Variants in PCDHB7 observed in about 807,000 individuals in gnomAD.
PCDHB7 encodes the protein protocadherin beta 7.
For synonymous variants in PCDHB7, 542 were observed against 463.1 expected (o/e 1.17, Z -2.19); for missense variants, 1,148 against 1,011.6 (o/e 1.13, Z -1.83).
Position 141,173,916 on chromosome 5 carries a change from C to A in PCDHB7, c.1081C>A (p.Pro361Thr). ...SLTSPIAENS[P>T]ETVVAVFRIR... The stretch of plus-strand genomic sequence containing the variant: ...TACTAGCCCAATTGCAGAAAACTCA[C>A]CCGAGACAGTCGTGGCTGTTTTTAG... The change falls in exon 1 of 1, where the codon CCC (proline) becomes ACC (threonine). Residue 361 changes from proline (P) to threonine (T), a missense_variant. By Grantham distance (38) the Pro-to-Thr change is conservative. Transcript: ENST00000231137. The A allele has an allele frequency of 6.2e-7, 1 of 1,612,628 alleles. No homozygotes were observed. Among genetic ancestry groups the A allele is most frequent in the Non-Finnish European group, 8.5e-7 (1 of 1,178,864 alleles).
chr5:141,173,460 AGTTTAAC>A lies in PCDHB7; in HGVS notation c.626_632del (p.Ser209ThrfsTer5), dbSNP rs1408859047. On this transcript the variant is annotated frameshift_variant, in exon 1 of 1. Coordinates refer to ENST00000231137, the MANE Select transcript of PCDHB7 (RefSeq NM_018940.4). LOFTEE classifies it low-confidence loss of function (END_TRUNC). ...GGATCGGGAAGAGATACCAGAGTTC[AGTTTAAC>A]CCTCACCGCTTTAGACGGCGGCTCT... The A allele has an allele frequency of 3.7e-6, 6 of 1,614,100 alleles. No homozygotes were observed. The highest frequency in any genetic ancestry group is 5.1e-6 in the Non-Finnish European group (6 of 1,180,046).
At position 141,173,405 on chromosome 5, in the gene PCDHB7, C is replaced by T. The variant is rs1753264630; in HGVS notation, c.570C>T (p.Ile190=). ...TCCATGATAGCGGGGAGGGGAATAT[C>T]TATCCCGAATTGGTGCTGAATCAAG... The part of the protein sequence containing the change: ...INVHDSGEGN[I]YPELVLNQVL... Residue 190 remains isoleucine (I), a synonymous_variant, in exon 1 of 1, where the codon ATC becomes ATT. Coordinates refer to ENST00000231137, the MANE Select transcript of PCDHB7 (RefSeq NM_018940.4). The T allele has an allele frequency of 6.2e-7, 1 of 1,614,042 alleles. No individual in the cohort carries two copies.
Position 141,173,283 on chromosome 5 carries a change from G to A in PCDHB7, c.448G>A (p.Ala150Thr). The change falls in exon 1 of 1, where the codon GCG becomes ACG. Residue 150 changes from alanine (A) to threonine (T), a missense_variant. By Grantham distance (58) the Ala-to-Thr change is moderately conservative (BLOSUM62 0). Transcript: ENST00000231137. ...LKILESTTPG[A>T]AFLLESAQDS... is the part of the protein sequence containing the mutation. ...AATATTAGAAAGTACCACTCCAGGG[G>A]CGGCATTTCTCCTAGAGAGTGCACA... 6.2e-7 allele frequency: 1 copy of A among 1,614,126 alleles called. No homozygotes were observed. Among genetic ancestry groups the A allele is most frequent in the Non-Finnish European group, 8.5e-7 (1 of 1,180,010 alleles).
Position 141,175,118 on chromosome 5 carries a change from G to C in PCDHB7, c.2283G>C (p.Glu761Asp), listed in dbSNP as rs557284400. ...TGACTGGAGGCTCCGGGACAAATGA[G>C]TTCAAGTTTCTGAAACCAATTATCC... ...VCLTGGSGTNEFKFLKPIIPN... is the reference protein window; with the variant it reads ...VCLTGGSGTNDFKFLKPIIPN... Residue 761 changes from glutamate to aspartate, a missense_variant, in exon 1 of 1, where the codon GAG becomes GAC. Coordinates refer to ENST00000231137, the MANE Select transcript of PCDHB7 (RefSeq NM_018940.4). The C allele has an allele frequency of 6.2e-7, 1 of 1,614,248 alleles. No homozygotes were observed. Among genetic ancestry groups the C allele is most frequent in the Non-Finnish European group, 8.5e-7 (1 of 1,180,056 alleles).
At position 141,173,514 on chromosome 5, in the gene PCDHB7, C is replaced by G; in HGVS notation, c.679C>G (p.Leu227Val). Reference protein sequence around the residue: ...GGSPPRSGTALVRILVLDVND... With the variant: ...GGSPPRSGTAVVRILVLDVND... ...CTCTCCTCCAAGATCAGGGACCGCC[C>G]TCGTGCGCATTCTGGTTCTAGACGT... The change falls in exon 1 of 1, where the codon CTC (leucine) becomes GTC (valine). Residue 227 changes from leucine (L) to valine (V), a missense_variant. Transcript: ENST00000231137. 6.2e-7 allele frequency: 1 copy of G among 1,613,964 alleles called. No individual in the cohort carries two copies. Among genetic ancestry groups the G allele is most frequent in the African/African-American group, 1.3e-5 (1 of 75,026 alleles).
chr5:141,174,734 C>A lies in PCDHB7; in HGVS notation c.1899C>A (p.Arg633=), dbSNP rs782658040. Reference sequence around the variant, plus strand: ...GTACCGCCAGGCTGCTGAGCGAGCGCGACGCAGCCAAGCAGAGGCTGGTGG... The same window carrying A: ...GTACCGCCAGGCTGCTGAGCGAGCGAGACGCAGCCAAGCAGAGGCTGGTGG... ...EVRTARLLSE[R]DAAKQRLVVL... The change falls in exon 1 of 1, where the codon CGC becomes CGA. Residue 633 remains arginine, a synonymous_variant. Coordinates refer to ENST00000231137, the MANE Select transcript of PCDHB7 (RefSeq NM_018940.4). The A allele has an allele frequency of 2.2e-5, 36 of 1,611,076 alleles. No homozygotes were observed. The highest frequency in any genetic ancestry group is 2.1e-4 in the Middle Eastern group (1 of 4,686).
chr5:141,172,903 T>A lies in PCDHB7; in HGVS notation c.68T>A (p.Met23Lys). ...QVLFLCVFLG[M>K]SWAGAEPLRY... ...TTATTTCTTTGTGTATTTCTGGGAA[T>A]GTCTTGGGCTGGCGCCGAACCGCTT... Residue 23 changes from methionine (M) to lysine (K), a missense_variant, in exon 1 of 1, where the codon ATG (methionine) becomes AAG (lysine). Physicochemically the swap from Met to Lys is moderately conservative, Grantham distance 95 (BLOSUM62 -1). Transcript: ENST00000231137. The A allele has an allele frequency of 1.2e-6, 2 of 1,614,194 alleles. No homozygotes were observed. Among genetic ancestry groups the A allele is most frequent in the Non-Finnish European group, 1.7e-6 (2 of 1,180,032 alleles).
In PCDHB7 at chr5:141,174,648, C is replaced by A; in HGVS notation, c.1813C>A (p.Gln605Lys). 1 of 1,610,394 alleles carries A rather than the reference C, an allele frequency of 6.2e-7. No homozygotes were observed. Among genetic ancestry groups the A allele is most frequent in the South Asian group, 1.1e-5 (1 of 90,980 alleles). ...GGGCCAGAACGCCTGGCTGTCGTACCAGCTGCTCAAGGCCACGGAGCCCGG... is the reference window on the plus strand; with the variant it reads ...GGGCCAGAACGCCTGGCTGTCGTACAAGCTGCTCAAGGCCACGGAGCCCGG... Reference protein sequence around the residue: ...DSGQNAWLSYQLLKATEPGLF... With the variant: ...DSGQNAWLSYKLLKATEPGLF... Residue 605 changes from glutamine (Q) to lysine (K), a missense_variant, in exon 1 of 1, where the codon CAG becomes AAG. Coordinates refer to ENST00000231137, the MANE Select transcript of PCDHB7 (RefSeq NM_018940.4).
chr5:141,175,301 A>C lies in PCDHB7; in HGVS notation c.*84A>C. ...GAGGTTCCCTTAAGGGAGTGTCTTT[A>C]CATCATTTCAAATATGTACTCTTGA... is the stretch of plus-strand genomic sequence containing the variant. On this transcript the variant is annotated 3_prime_UTR_variant, in exon 1 of 1. Coordinates refer to ENST00000231137, the MANE Select transcript of PCDHB7 (RefSeq NM_018940.4). 1 of 1,315,768 alleles carries C rather than the reference A, an allele frequency of 7.6e-7. No homozygotes were observed. Among genetic ancestry groups the C allele is most frequent in the Non-Finnish European group, 1.0e-6 (1 of 962,544 alleles). The allele number at this position is 1,315,768 out of a possible 1,614,324, so 81.5% of individuals were successfully genotyped here. A position where few individuals can be genotyped will look rare whatever the true frequency, so the allele number is the denominator to read the frequency against.
In PCDHB7 at chr5:141,175,047, A is replaced by G. The variant is rs1554280443; in HGVS notation, c.2212A>G (p.Ser738Gly). 1 of 1,614,052 alleles carries G rather than the reference A, an allele frequency of 6.2e-7. No homozygotes were observed. Among genetic ancestry groups the G allele is most frequent in the Non-Finnish European group, 8.5e-7 (1 of 1,179,950 alleles). The change falls in exon 1 of 1, where the codon AGC (serine) becomes GGC (glycine). Residue 738 changes from serine to glycine, a missense_variant. Transcript: ENST00000231137. ...CTTTCCACGACATCTGGTGGACTTG[A>G]GCGGCACCGGGACCCTATCCCAGAG... is the stretch of plus-strand genomic sequence containing the variant. ...GPFPRHLVDL[S>G]GTGTLSQSYQ...
At position 141,174,910 on chromosome 5, in the gene PCDHB7, T is replaced by C. The variant is rs2149653942; in HGVS notation, c.2075T>C (p.Leu692Ser). The change falls in exon 1 of 1, where the codon TTG becomes TCG. Residue 692 changes from leucine (L) to serine (S), a missense_variant. Leu to Ser is a moderately radical substitution (Grantham distance 145). Coordinates refer to ENST00000231137, the MANE Select transcript of PCDHB7 (RefSeq NM_018940.4). ...CTCACCGTCTACCTGGTGGTGGCGT[T>C]GGCCTCGGTGTCTTCGCTCTTCCTC... Reference protein sequence around the residue: ...NSLTVYLVVALASVSSLFLLS... With the variant: ...NSLTVYLVVASASVSSLFLLS... 1.9e-6 allele frequency: 3 copies of C among 1,611,000 alleles called. No individual in the cohort carries two copies. In the East Asian group the frequency reaches 6.7e-5, roughly 36 times the overall value.
chr5:141,173,425 A>T lies in PCDHB7; in HGVS notation c.590A>T (p.Asn197Ile), dbSNP rs1554279997. The T allele has an allele frequency of 6.2e-7, 1 of 1,614,192 alleles. No homozygotes were observed. Among genetic ancestry groups the T allele is most frequent in the Admixed American group, 1.7e-5 (1 of 60,034 alleles). The change falls in exon 1 of 1, where the codon AAT (asparagine) becomes ATT (isoleucine). Residue 197 changes from asparagine to isoleucine, a missense_variant. Transcript: ENST00000231137. The stretch of plus-strand genomic sequence containing the variant: ...AATATCTATCCCGAATTGGTGCTGA[A>T]TCAAGTGCTGGATCGGGAAGAGATA... ...EGNIYPELVL[N>I]QVLDREEIPE...
At position 141,172,998 on chromosome 5, in the gene PCDHB7, G is replaced by T; in HGVS notation, c.163G>T (p.Gly55Trp). The T allele has an allele frequency of 6.2e-7, 1 of 1,614,164 alleles. No homozygotes were observed. The highest frequency in any genetic ancestry group is 1.3e-5 in the African/African-American group (1 of 75,044). ...CAACTTGGCAAAAGACCTAGGGTTA[G>T]GGGTAGGGGAACTGAGAGCCCGGGG... ...LTNLAKDLGL[G>W]VGELRARGTR... The change falls in exon 1 of 1, where the codon GGG (glycine) becomes TGG (tryptophan). Residue 55 changes from glycine (G) to tryptophan (W), a missense_variant. Transcript: ENST00000231137.
rs1753360731 is a variant in PCDHB7, at chr5:141,175,525, T to C, written c.*308T>C. On this transcript the variant is annotated 3_prime_UTR_variant, in exon 1 of 1. Transcript: ENST00000231137. The stretch of plus-strand genomic sequence containing the variant: ...CAATCTCTACTGAGACTTCCTGAGT[T>C]GATTAGAAAGCTGTATGAGTGTACC... The C allele has an allele frequency of 1.3e-5, 5 of 386,032 alleles. No individual in the cohort carries two copies. In the South Asian group the frequency reaches 1.7e-4, roughly 13 times the overall value. The allele number at this position is 386,032 out of a possible 1,614,324, so 23.9% of individuals were successfully genotyped here.
chr5:141,174,993 G>C lies in PCDHB7; in HGVS notation c.2158G>C (p.Val720Leu). The C allele has an allele frequency of 6.2e-7, 1 of 1,613,886 alleles. No individual in the cohort carries two copies. The highest frequency in any genetic ancestry group is 8.5e-7 in the Non-Finnish European group (1 of 1,179,980). ...GTGCAGGAGGAGCAGGGCGGCCCCG[G>C]TGGGTCGCTGCTCGGTGCCTGAGGG... is the stretch of plus-strand genomic sequence containing the variant. The part of the protein sequence containing the change: ...RLCRRSRAAP[V>L]GRCSVPEGPF... Residue 720 changes from valine to leucine, a missense_variant, in exon 1 of 1, where the codon GTG becomes CTG. By Grantham distance (32) the Val-to-Leu change is conservative. Coordinates refer to ENST00000231137, the MANE Select transcript of PCDHB7 (RefSeq NM_018940.4).
chr5:141,174,891 G>C lies in PCDHB7; in HGVS notation c.2056G>C (p.Val686Leu). ...CCCGGACCAGGCCAACTCGCTCACC[G>C]TCTACCTGGTGGTGGCGTTGGCCTC... ...AAPDQANSLT[V>L]YLVVALASVS... Residue 686 changes from valine to leucine, a missense_variant, in exon 1 of 1, where the codon GTC becomes CTC. Val to Leu is a conservative substitution (Grantham distance 32). Coordinates refer to ENST00000231137, the MANE Select transcript of PCDHB7 (RefSeq NM_018940.4). 6.2e-7 allele frequency: 1 copy of C among 1,611,206 alleles called. No individual in the cohort carries two copies. Among genetic ancestry groups the C allele is most frequent in the Non-Finnish European group, 8.5e-7 (1 of 1,178,658 alleles).
chr5:141,172,794 A>T lies in PCDHB7; in HGVS notation c.-42A>T, dbSNP rs1753244816. 6.6e-7 allele frequency: 1 copy of T among 1,521,214 alleles called. No homozygotes were observed. Among genetic ancestry groups the T allele is most frequent in the African/African-American group, 1.4e-5 (1 of 72,828 alleles). The allele number at this position is 1,521,214 out of a possible 1,614,324, so 94.2% of individuals were successfully genotyped here. A position where few individuals can be genotyped will look rare whatever the true frequency, so the allele number is the denominator to read the frequency against. ...TGCTGCCATTTGTGAGAGCCGCTGGAGGCTGAGTGAAAGTCATTTTGAAAG... is the reference window on the plus strand; with the variant it reads ...TGCTGCCATTTGTGAGAGCCGCTGGTGGCTGAGTGAAAGTCATTTTGAAAG... On this transcript the variant is annotated 5_prime_UTR_variant, in exon 1 of 1. Transcript: ENST00000231137.
Position 141,174,356 on chromosome 5 carries a change from C to G in PCDHB7, c.1521C>G (p.Asn507Lys). Residue 507 changes from asparagine (N) to lysine (K), a missense_variant, in exon 1 of 1, where the codon AAC (asparagine) becomes AAG (lysine). Coordinates refer to ENST00000231137, the MANE Select transcript of PCDHB7 (RefSeq NM_018940.4). The part of the protein sequence containing the change: ...HLPLASLVSI[N>K]ADNGHLFALR... ...CCCTCGCCTCCCTGGTCTCCATCAA[C>G]GCGGACAACGGCCACCTGTTTGCCC... 6.2e-7 allele frequency: 1 copy of G among 1,612,846 alleles called. No homozygotes were observed. Among genetic ancestry groups the G allele is most frequent in the Non-Finnish European group, 8.5e-7 (1 of 1,179,874 alleles).
chr5:141,173,888 A>T lies in PCDHB7; in HGVS notation c.1053A>T (p.Ser351=). ...NDNRPELLLS[S]LTSPIAENSP... ...ATCGACCCGAGCTGCTCCTGTCTTCACTTACTAGCCCAATTGCAGAAAACT... is the reference window on the plus strand; with the variant it reads ...ATCGACCCGAGCTGCTCCTGTCTTCTCTTACTAGCCCAATTGCAGAAAACT... Residue 351 remains serine (S), a synonymous_variant, in exon 1 of 1, where the codon TCA becomes TCT. Transcript: ENST00000231137. The T allele has an allele frequency of 1.2e-6, 2 of 1,613,172 alleles. No individual in the cohort carries two copies. The highest frequency in any genetic ancestry group is 1.7e-6 in the Non-Finnish European group (2 of 1,179,288).
Sources: gnomAD v4.1 joint callset for allele counts on GRCh38, gnomAD v4.1.1 for gene constraint, MANE v1.5 for transcripts, NCBI Gene and HGNC (gene_info 2026-07-23, HGNC 2026-07-21) for gene names.